The following TMEM164 variants were observed in gnomAD, a reference collection of about 807,000 sequenced individuals.
TMEM164 encodes RP13-360B22.2.
Under a neutral mutation model 18.8 loss-of-function variants are expected in TMEM164, and 4 were observed. The observed-to-expected ratio is 0.21, with a 90% CI of 0.10 to 0.49. The LOEUF (loss-of-function observed/expected upper bound fraction) is 0.49, where lower values mean the gene tolerates loss of function less well. TMEM164 is among the 20% of genes least tolerant of loss of function. The probability of loss-of-function intolerance (pLI) is 0.98; values close to 1 mark genes in which losing one functional copy is unlikely to be tolerated. For synonymous variants in TMEM164, 86 were observed against 101.7 expected, an observed-to-expected ratio of 0.85 and a Z score of 0.93; for missense variants, 108 against 239.9, an observed-to-expected ratio of 0.45 and a Z score of 3.63.
intron 3 of TMEM164, among the ~76,000 whole-genome samples, chrX:110,071,467 C>T (rs1367375237): frequency 9.1e-6 from 1 of 109,969 alleles, no homozygotes; most frequent in Non-Finnish European, 1.9e-5. Flanking sequence ...ACCCGCTGAT[C>T]ATAGTATATT....
chrX:110,046,319 C>T (rs1935314846), intron 2 of TMEM164: 1 of 754,412 alleles, frequency 1.3e-6, no homozygotes, highest in South Asian at 6.7e-5. Context: ...TTTAACCTCT[C>T]AGTAGAGTAT....
At chrX:110,090,231 C>T (rs1252960737) in intron 3 of TMEM164, among the ~76,000 whole-genome samples, 1 of 110,053 alleles carries the variant, frequency 9.1e-6, no homozygotes, top group African/African-American at 3.3e-5. Context: ...TGTCCGCAGG[C>T]AAAGCCAGCC....
At chrX:110,021,741 G>C (rs1933877702) in intron 2 of TMEM164, among the ~76,000 whole-genome samples, 1 of 112,173 alleles carries the variant, frequency 8.9e-6, no homozygotes, top group East Asian at 2.8e-4. Flanking sequence ...TTGGGGACTA[G>C]GCTGGACTAG....
At chrX:110,089,535 TTAAAA>T (rs2065897240) in intron 3 of TMEM164, among the ~76,000 whole-genome samples, 1 of 112,448 alleles carries the variant, frequency 8.9e-6, no homozygotes, top group Non-Finnish European at 1.9e-5. Flanking sequence ...TTTGTAATAT[TTAAAA>T]TATAACGGGA....
chrX:110,156,301 TTATTA>T (rs2067015404), intron 5 of TMEM164, among the ~76,000 whole-genome samples: 1 of 112,429 alleles, frequency 8.9e-6, no homozygotes. Flanking sequence ...TTATTATACT[TTATTA>T]TAATATGCAG....
At chrX:110,100,590 G>C (rs1298092293) in intron 3 of TMEM164, among the ~76,000 whole-genome samples, 2 of 110,906 alleles carry the variant, frequency 1.8e-5, no homozygotes, top group Non-Finnish European at 3.8e-5. Flanking sequence ...TCTTGTTTTT[G>C]AGATGGAGTC....
chrX:110,181,565 T>C (rs1212382579), downstream of TMEM164, among the ~76,000 whole-genome samples: 4 of 113,061 alleles, frequency 3.5e-5, no homozygotes, highest in Non-Finnish European at 5.6e-5. Context: ...ACCTCAGTAG[T>C]TATGTCTCTA....
At chrX:110,158,708 T>C (rs1333527564) in intron 5 of TMEM164, among the ~76,000 whole-genome samples, 3 of 111,801 alleles carry the variant, frequency 2.7e-5, no homozygotes, top group Non-Finnish European at 5.6e-5. Flanking sequence ...CTTTCCACCC[T>C]ATCAAAGGCA....
At chrX:110,090,463 A>G (rs1352656364) in intron 3 of TMEM164, among the ~76,000 whole-genome samples, 1 of 107,847 alleles carries the variant, frequency 9.3e-6, no homozygotes, top group African/African-American at 3.4e-5. Context: ...ATGCCACCAC[A>G]CTCGGCTAAT....
At chrX:110,110,281 A>G (rs1487634446) in intron 4 of TMEM164, among the ~76,000 whole-genome samples, 1 of 111,990 alleles carries the variant, frequency 8.9e-6, no homozygotes, top group African/African-American at 3.2e-5. Flanking sequence ...GTCATATATC[A>G]GTAGAAATTA....
In TMEM164 at chrX:110,003,816, T is replaced by C; in HGVS notation, c.42T>C (p.Tyr14=). The change falls in exon 2 of 7, where the codon TAT becomes TAC. Residue 14 remains tyrosine, a synonymous_variant. Transcript: ENST00000372068. ...ACCAGAGTCTCCTGGACTGGCTCTA[T>C]GGGGGCGTGGACCCCAGTTTTGCAG... The part of the protein sequence containing the change: ...YSYQSLLDWL[Y]GGVDPSFAGN... 1.7e-6 allele frequency: 2 copies of C among 1,210,309 alleles called. No individual in the cohort carries two copies. Among genetic ancestry groups the C allele is most frequent in the Middle Eastern group, 4.7e-4 (2 of 4,296 alleles).
chrX:110,046,074 C>T lies in TMEM164; in HGVS notation c.391-21273C>T. The stretch of plus-strand genomic sequence containing the variant: ...TTTACAATCGACTTCTGGGTTGAGT[C>T]AACAACAGTTGGTTTACATTTAAGG... On this transcript the variant is annotated intron_variant, in intron 2 of 6. Transcript: ENST00000372068. 4 of 754,451 alleles carry T rather than the reference C, an allele frequency of 5.3e-6. 1 individual carries two copies. The highest frequency in any genetic ancestry group is 1.5e-3 in the Middle Eastern group (2 of 1,323). 62.2% of individuals were successfully genotyped at this position (754,451 alleles called of 1,213,427 possible).
At chrX:110,152,203 G>A (rs778226787) in intron 5 of TMEM164, among the ~76,000 whole-genome samples, 8 of 108,803 alleles carry the variant, frequency 7.4e-5, no homozygotes, top group Non-Finnish European at 1.3e-4. Context: ...CTATAGGCAC[G>A]TGCCACCACG....
rs921644289 is a variant in TMEM164, at chrX:110,173,627, C to T, written c.*176C>T. 1.9e-5 allele frequency: 9 copies of T among 465,697 alleles called. No homozygotes were observed. The highest frequency in any genetic ancestry group is 5.0e-5 in the African/African-American group (2 of 40,379). 38.4% of individuals were successfully genotyped at this position (465,697 alleles called of 1,213,427 possible). On this transcript the variant is annotated 3_prime_UTR_variant, in exon 7 of 7. Coordinates refer to ENST00000372068, the MANE Select transcript of TMEM164 (RefSeq NM_032227.4). ...CTTCCTTTCCCAGCTCTTCCCCCTA[C>T]GATGTCTCCTTGAGCCTGGGGTGTA... is the stretch of plus-strand genomic sequence containing the variant.
intron 3 of TMEM164, among the ~76,000 whole-genome samples, chrX:110,095,032 T>G (rs1486636422): frequency 8.9e-6 from 1 of 112,280 alleles, no homozygotes; most frequent in Non-Finnish European, 1.9e-5. Context: ...CTTGTAGAGT[T>G]TCTGCCGCAA....
chrX:110,023,190 A>G (rs971083623), intron 2 of TMEM164, among the ~76,000 whole-genome samples: 2 of 111,931 alleles, frequency 1.8e-5, no homozygotes, highest in Non-Finnish European at 3.8e-5. Flanking sequence ...CTCAAGCCCA[A>G]GAGTTCTAAA....
chrX:110,046,365 T>C, intron 2 of TMEM164: 1 of 753,428 alleles, frequency 1.3e-6, no homozygotes, highest in South Asian at 6.7e-5. Flanking sequence ...AGTCAACTCT[T>C]GATTATTCAT....
chrX:110,052,476 A>G lies in TMEM164; in HGVS notation c.391-14871A>G, dbSNP rs186302643. Among the ~76,000 whole-genome samples the G allele has an allele frequency of 1.8e-3, 196 of 111,978 alleles. 2 individuals carry two copies. Among genetic ancestry groups the G allele is most frequent in the African/African-American group, 6.0e-3 (184 of 30,815 alleles). On this transcript the variant is annotated intron_variant, in intron 2 of 6. Coordinates refer to ENST00000372068, the MANE Select transcript of TMEM164 (RefSeq NM_032227.4). ...ATAAACAAGGCTTGAATATTCTAAA[A>G]TGGCTTTTGCTTAGGTAACCAAGTC...
intron 4 of TMEM164, among the ~76,000 whole-genome samples, chrX:110,116,499 G>A (rs1162351970): frequency 8.9e-6 from 1 of 111,988 alleles, no homozygotes; most frequent in African/African-American, 3.2e-5. Context: ...CATGGACATG[G>A]AGGCAGAAAA....
Sources: gnomAD v4.1 joint callset for allele counts (sites outside exome capture counted in the v4.1 genomes callset) on GRCh38, gnomAD v4.1.1 for gene constraint, MANE v1.5 for transcripts, NCBI Gene and HGNC (gene_info 2026-07-23, HGNC 2026-07-21) for gene names.